Variants in PODN observed in about 807,000 individuals in gnomAD.
PODN encodes podocan proteoglycan.
PODN carries 40 observed loss-of-function variants against 52.7 expected under a neutral mutation model. The observed-to-expected ratio is 0.76, with a 90% confidence interval of 0.59 to 0.99. The LOEUF (loss-of-function observed/expected upper bound fraction) is 0.99. Among genes scored for constraint, PODN ranks in the 50% least tolerant of loss-of-function variants. The pLI is 0.00. For missense variants in PODN, 720 were observed against 815.1 expected, an observed-to-expected ratio of 0.88 and a Z score of 1.42; for synonymous variants, 396 against 377.9, an observed-to-expected ratio of 1.05 and a Z score of -0.56.
intron 3 of PODN, among the ~76,000 whole-genome samples, chr1:53,074,013 A>G (rs1032737421): frequency 6.6e-6 from 1 of 152,224 alleles, no homozygotes; most frequent in South Asian, 2.1e-4. Context: ...AGGGTGTTCC[A>G]TGGAGAGACA....
intron 5 of PODN, among the ~76,000 whole-genome samples, 158 bp downstream of exon 5, chr1:53,076,129 C>G (rs1644191479): frequency 6.6e-6 from 1 of 152,186 alleles, no homozygotes; most frequent in Admixed American, 6.5e-5. Context: ...AGGAGGACAA[C>G]TCGGGCCAGG....
chr1:53,077,447 T>A, intron 6 of PODN, 101 bp downstream of exon 6: 5 of 1,507,208 alleles, frequency 3.3e-6, no homozygotes, highest in Non-Finnish European at 4.5e-6. Flanking sequence ...TGGCCACAGG[T>A]GCTGCCCAAG....
At chr1:53,072,770 G>A (rs910959106) in intron 3 of PODN, among the ~76,000 whole-genome samples, 1 of 152,202 alleles carries the variant, frequency 6.6e-6, no homozygotes, top group African/African-American at 2.4e-5. Flanking sequence ...GTTTCAAGAT[G>A]TCTAACTAGG....
At chr1:53,067,241 T>A (rs1255265946) in intron 1 of PODN, among the ~76,000 whole-genome samples, 1 of 151,834 alleles carries the variant, frequency 6.6e-6, no homozygotes, top group Non-Finnish European at 1.5e-5. Context: ...GAGACCTGAG[T>A]CTCCATCAAC....
At chr1:53,074,095 C>CAGAAACG (rs1644158306) in intron 3 of PODN, among the ~76,000 whole-genome samples, 1 of 152,222 alleles carries the variant, frequency 6.6e-6, no homozygotes, top group Non-Finnish European at 1.5e-5. Flanking sequence ...TCTTGGAGCC[C>CAGAAACG]AGAAACGAGA....
rs1644208093 is a variant in PODN at position 53,077,256 on chromosome 1, C to A, written c.648C>A (p.Ser216=). The change falls in exon 6 of 11, where the codon TCC becomes TCA. Residue 216 remains serine, a synonymous_variant. Coordinates refer to ENST00000312553, the MANE Select transcript of PODN (RefSeq NM_153703.5). ...TGCCGGACAACATGTTCAACGGCTC[C>A]AGCAACGTCGAGGTCCTCATCCTGT... The part of the protein sequence containing the change: ...AGLPDNMFNG[S]SNVEVLILSS... The A allele has an allele frequency of 1.2e-6, 2 of 1,613,496 alleles. No individual in the cohort carries two copies. Among genetic ancestry groups the A allele is most frequent in the Middle Eastern group, 1.6e-4 (1 of 6,062 alleles).
chr1:53,068,748 A>G (rs558340445), intron 1 of PODN, among the ~76,000 whole-genome samples: 1 of 152,286 alleles, frequency 6.6e-6, no homozygotes, highest in East Asian at 1.9e-4. Context: ...GAGATGTCTG[A>G]GTCCCTGTAA....
At chr1:53,083,383 T>C (rs12070099) in intron 10 of PODN, among the ~76,000 whole-genome samples, 19,981 of 152,104 alleles carry the variant, frequency 0.13, 1,477 homozygotes, top group Middle Eastern at 0.19. Flanking sequence ...GCTTGGGTGC[T>C]GGTGGGAAGA....
Position 53,062,328 on chromosome 1 carries a change from G to C in PODN, c.-56+20G>C. On this transcript the variant is annotated intron_variant, in intron 1 of 10. Coordinates refer to ENST00000312553, the MANE Select transcript of PODN (RefSeq NM_153703.5). Reference sequence around the variant, plus strand: ...CAGCAGGTACAGGGCGCTGGCAGCCGGGGTGGGCCGAGGGGCCGGGGGCTG... The same window carrying C: ...CAGCAGGTACAGGGCGCTGGCAGCCCGGGTGGGCCGAGGGGCCGGGGGCTG... 1 of 1,243,538 alleles carries C rather than the reference G, an allele frequency of 8.0e-7. No individual in the cohort carries two copies. The highest frequency in any genetic ancestry group is 1.0e-6 in the Non-Finnish European group (1 of 986,316). 77.0% of individuals were successfully genotyped at this position (1,243,538 alleles called of 1,614,324 possible).
chr1:53,069,666 G>T lies in PODN; in HGVS notation c.-55-135G>T, dbSNP rs373172738. Reference sequence around the variant, plus strand: ...GCCTCTGGAGGGCAGCCTGGTGGGGGTTGGGCAGGTGCGGAGGGCAGCAGT... The same window carrying T: ...GCCTCTGGAGGGCAGCCTGGTGGGGTTTGGGCAGGTGCGGAGGGCAGCAGT... On this transcript the variant is annotated intron_variant, in intron 1 of 10. Transcript: ENST00000312553. 489 of 1,302,874 alleles carry T rather than the reference G, an allele frequency of 3.8e-4. 4 individuals carry two copies. The East Asian group carries it at 0.011, about 29-fold the overall frequency. 80.7% of individuals were successfully genotyped at this position (1,302,874 alleles called of 1,614,324 possible).
chr1:53,068,958 G>A (rs1230766209), intron 1 of PODN, among the ~76,000 whole-genome samples: 4 of 152,198 alleles, frequency 2.6e-5, no homozygotes, highest in Non-Finnish European at 4.4e-5. Flanking sequence ...GGGCAGCTGA[G>A]GGGATACACA....
At chr1:53,075,647 CCTG>C (rs1446759747) in intron 4 of PODN, among the ~76,000 whole-genome samples, 1 of 152,208 alleles carries the variant, frequency 6.6e-6, no homozygotes, top group Non-Finnish European at 1.5e-5. Context: ...GGGGACAAGT[CCTG>C]AGGGCCTTGA....
chr1:53,070,496 T>G (rs935074879), intron 2 of PODN, among the ~76,000 whole-genome samples: 1 of 152,226 alleles, frequency 6.6e-6, no homozygotes, highest in Non-Finnish European at 1.5e-5. Context: ...ACCCTCTGAA[T>G]GCACAGCCAC....
In PODN at chr1:53,084,556, G is replaced by C. The variant is rs1389296734; in HGVS notation, c.*71G>C. On this transcript the variant is annotated 3_prime_UTR_variant, in exon 11 of 11. Coordinates refer to ENST00000312553, the MANE Select transcript of PODN (RefSeq NM_153703.5). ...TCTTTTCTGCAGCACACGCCTGTGT[G>C]CTGTGAGCCCCCCACTCTGCCGTGC... 6.6e-6 allele frequency: 1 copy of C among 152,362 alleles called. No individual in the cohort carries two copies. Among genetic ancestry groups the C allele is most frequent in the Non-Finnish European group, 1.5e-5 (1 of 68,196 alleles). The allele number at this position is 152,362 out of a possible 1,614,324, so 9.4% of individuals were successfully genotyped here.
chr1:53,081,425 G>A (rs1485736916), intron 9 of PODN, among the ~76,000 whole-genome samples: 1 of 152,206 alleles, frequency 6.6e-6, no homozygotes, highest in Non-Finnish European at 1.5e-5. Context: ...CCAGGAGCTC[G>A]GTTGCCCAGA....
chr1:53,081,313 G>T (rs943554194), intron 9 of PODN, among the ~76,000 whole-genome samples: 13 of 152,222 alleles, frequency 8.5e-5, no homozygotes, highest in African/African-American at 3.1e-4. Flanking sequence ...GAGGATATGA[G>T]GGGCTTCCAT....
At position 53,070,064 on chromosome 1, in the gene PODN, G is replaced by A. The variant is rs375579526; in HGVS notation, c.209G>A (p.Arg70Gln). The change falls in exon 2 of 11, where the codon CGA becomes CAA. Residue 70 changes from arginine to glutamine, a missense_variant. Physicochemically the swap from Arg to Gln is conservative, Grantham distance 43 (BLOSUM62 1). Transcript: ENST00000312553. The stretch of plus-strand genomic sequence containing the variant: ...GGCCCAGCCGCGGTCAGCTGCCCCC[G>A]AGACTGTGCCTGTTCCCAGGAGGGC... ...GPGPAAVSCP[R>Q]DCACSQEGVV... 33 of 1,612,958 alleles carry A rather than the reference G, an allele frequency of 2.0e-5. 1 individual carries two copies. Among genetic ancestry groups the A allele is most frequent in the Non-Finnish European group, 2.7e-5 (32 of 1,179,998 alleles).
At chr1:53,064,313 C>G (rs75161068) in intron 1 of PODN, among the ~76,000 whole-genome samples, 1 of 152,206 alleles carries the variant, frequency 6.6e-6, no homozygotes, top group Non-Finnish European at 1.5e-5. Flanking sequence ...AACACCCTAA[C>G]CCAGCCAAGG....
At position 53,082,114 on chromosome 1, in the gene PODN, A is replaced by AAGGAGGAGGAGGAAG. The variant is rs751982862; in HGVS notation, c.1809_1823dup (p.Glu605_Glu609dup). Reference sequence around the variant, plus strand: ...GGACCGTGGCCGCTTGGGGAAGGAAAAGGAGGAGGAGGAAGAGGAGGAGGA... The same window carrying AAGGAGGAGGAGGAAG: ...GGACCGTGGCCGCTTGGGGAAGGAAAAGGAGGAGGAGGAAGAGGAGGAGGAGGAAGAGGAGGAGGA... On this transcript the variant is annotated inframe_insertion, in exon 10 of 11. Transcript: ENST00000312553. 6.2e-7 allele frequency: 1 copy of AAGGAGGAGGAGGAAG among 1,613,424 alleles called. No individual in the cohort carries two copies. Among genetic ancestry groups the AAGGAGGAGGAGGAAG allele is most frequent in the Admixed American group, 1.7e-5 (1 of 59,964 alleles).
Sources: gnomAD v4.1 joint callset for allele counts (sites outside exome capture counted in the v4.1 genomes callset) on GRCh38, gnomAD v4.1.1 for gene constraint, MANE v1.5 for transcripts, NCBI Gene and HGNC (gene_info 2026-07-23, HGNC 2026-07-21) for gene names.